Variants in MBNL2 observed in about 807,000 individuals in gnomAD.
MBNL2 encodes the protein muscleblind-like protein 2.
MBNL2 carries 17 observed loss-of-function variants against 41.9 expected under a neutral mutation model. The observed-to-expected ratio is 0.41, with a 90% CI of 0.28 to 0.61. MBNL2 has a LOEUF of 0.61. MBNL2 is among the 20% of genes least tolerant of loss of function. MBNL2 has a pLI of 0.35. For missense variants in MBNL2, 336 were observed against 505.6 expected (o/e 0.66, Z 3.22); for synonymous variants, 195 against 182.9 (o/e 1.07, Z -0.53).
chr13:97,205,043 G>A, the MBNL2 span, among the ~76,000 whole-genome samples: 12 of 151,636 alleles, frequency 7.9e-5, no homozygotes, highest in African/African-American at 1.7e-4. Context: ...ATGGTGGCAC[G>A]CACCTGTAGT....
intron 1 of MBNL2, among the ~76,000 whole-genome samples, chr13:97,274,529 T>C (rs1262480232): frequency 6.6e-6 from 1 of 151,684 alleles, no homozygotes; most frequent in African/African-American, 2.4e-5. Flanking sequence ...AAAAAAAAAA[T>C]TATTGCTCTC....
At position 97,268,453 on chromosome 13, in the gene MBNL2, G is replaced by C. The variant is rs1361622899; in HGVS notation, c.-604-7179G>C. On this transcript the variant is annotated intron_variant, in intron 1 of 8. Coordinates refer to ENST00000679496, the MANE Select transcript of MBNL2 (RefSeq NM_001382683.1). The surrounding 1 kb of genome is among the most constrained non-coding windows in gnomAD (Gnocchi z 4.6). ...AGCGGATGCTGCTGCTGCTGGCCCA[G>C]GCACAACACTTTAAAAACCGCTGGA... Among the ~76,000 whole-genome samples the C allele has an allele frequency of 6.6e-6, 1 of 152,082 alleles. No individual in the cohort carries two copies. The highest frequency in any genetic ancestry group is 1.5e-5 in the Non-Finnish European group (1 of 68,030).
chr13:97,170,103 A>G, the MBNL2 span, among the ~76,000 whole-genome samples: 4 of 152,364 alleles, frequency 2.6e-5, no homozygotes, highest in Admixed American at 2.6e-4. Flanking sequence ...TCATAGGGTT[A>G]CATTGACCCC....
chr13:97,201,563 AT>A, the MBNL2 span, among the ~76,000 whole-genome samples: 1 of 152,052 alleles, frequency 6.6e-6, no homozygotes, highest in Non-Finnish European at 1.5e-5. Flanking sequence ...CAATGATTCT[AT>A]TTTTTTCAAA....
chr13:97,261,894 C>A (rs956701384), intron 1 of MBNL2, among the ~76,000 whole-genome samples: 2 of 152,206 alleles, frequency 1.3e-5, no homozygotes, highest in African/African-American at 4.8e-5. Flanking sequence ...TCCATGACAG[C>A]CAGCCACCCT....
At chr13:97,183,974 A>G in the MBNL2 span, among the ~76,000 whole-genome samples, 1 of 152,212 alleles carries the variant, frequency 6.6e-6, no homozygotes, top group Non-Finnish European at 1.5e-5. Flanking sequence ...CATTCTGATG[A>G]GAGAATGAAA....
At chr13:97,155,403 TTTA>T in the MBNL2 span, among the ~76,000 whole-genome samples, 1 of 151,548 alleles carries the variant, frequency 6.6e-6, no homozygotes, top group Non-Finnish European at 1.5e-5. Flanking sequence ...TATTTTTTTT[TTTA>T]TTATTATACT....
intron 2 of MBNL2, among the ~76,000 whole-genome samples, chr13:97,303,017 G>T (rs2057779006): frequency 6.6e-6 from 1 of 152,138 alleles, no homozygotes; most frequent in South Asian, 2.1e-4. Context: ...GGCAGAGCAG[G>T]GATTCGAACT....
chr13:97,218,924 C>T (rs901418178), upstream of MBNL2, among the ~76,000 whole-genome samples: 2 of 151,442 alleles, frequency 1.3e-5, no homozygotes, highest in African/African-American at 4.9e-5. Flanking sequence ...ATTGTGACTT[C>T]TGAGGCCAAC....
chr13:97,380,259 T>C (rs1275878500), intron 8 of MBNL2, among the ~76,000 whole-genome samples: 1 of 152,068 alleles, frequency 6.6e-6, no homozygotes, highest in East Asian at 1.9e-4. Flanking sequence ...TTTGGGAGGC[T>C]GAGGTGGGCG....
intron 8 of MBNL2, among the ~76,000 whole-genome samples, chr13:97,384,591 G>A (rs901737585): frequency 6.6e-6 from 1 of 152,170 alleles, no homozygotes; most frequent in African/African-American, 2.4e-5. Flanking sequence ...CAGAGAGTGG[G>A]AAGAAGGAAC....
the MBNL2 span, among the ~76,000 whole-genome samples, chr13:97,158,540 T>C: frequency 6.6e-6 from 1 of 151,648 alleles, no homozygotes; most frequent in African/African-American, 2.4e-5. Context: ...TTTAGTGCTA[T>C]AAATTTCCCT....
At chr13:97,213,299 G>A in the MBNL2 span, among the ~76,000 whole-genome samples, 2 of 152,046 alleles carry the variant, frequency 1.3e-5, no homozygotes, top group African/African-American at 4.8e-5. Context: ...AGATGGACAC[G>A]GTCTAATGAA....
At chr13:97,274,412 G>A (rs1484004247) in intron 1 of MBNL2, among the ~76,000 whole-genome samples, 3 of 151,542 alleles carry the variant, frequency 2.0e-5, no homozygotes, top group Non-Finnish European at 2.9e-5. Context: ...CACAAGAACT[G>A]CTTGAACCCA....
rs76652311 is a variant in MBNL2, at chr13:97,310,268, G to A, written c.175-24008G>A. Among the ~76,000 whole-genome samples the A allele has an allele frequency of 2.1e-3, 314 of 152,078 alleles. 1 individual carries two copies. Among genetic ancestry groups the A allele is most frequent in the African/African-American group, 7.4e-3 (307 of 41,474 alleles). On this transcript the variant is annotated intron_variant, in intron 2 of 8. Transcript: ENST00000679496. ...TCAGGGTCTGTACCATAAAAAGAGGGGATTGTCCTGGATCATCTTAGAGAT... is the reference window on the plus strand; with the variant it reads ...TCAGGGTCTGTACCATAAAAAGAGGAGATTGTCCTGGATCATCTTAGAGAT...
upstream of MBNL2, among the ~76,000 whole-genome samples, chr13:97,216,957 A>C (rs2152751283): frequency 6.7e-6 from 1 of 149,044 alleles, no homozygotes; most frequent in South Asian, 2.1e-4. Flanking sequence ...TATTATATAC[A>C]TAATATAAAA....
At position 97,268,988 on chromosome 13, in the gene MBNL2, G is replaced by A. The variant is rs59293967; in HGVS notation, c.-604-6644G>A. Among the ~76,000 whole-genome samples, 1,480 of 152,262 alleles carry A rather than the reference G, an allele frequency of 9.7e-3. 34 individuals carry two copies. Among genetic ancestry groups the A allele is most frequent in the African/African-American group, 0.034 (1,404 of 41,556 alleles). ...TGCAGGCCCGTGAGGAGGGCCTGCC[G>A]GAGGGTGGCTCAGCTGAACCTTCCT... On this transcript the variant is annotated intron_variant, in intron 1 of 8. Coordinates refer to ENST00000679496, the MANE Select transcript of MBNL2 (RefSeq NM_001382683.1). The surrounding 1 kb of genome is among the most constrained non-coding windows in gnomAD (Gnocchi z 4.6).
At chr13:97,377,183 G>A (rs946358162) in intron 8 of MBNL2, among the ~76,000 whole-genome samples, 2 of 152,188 alleles carry the variant, frequency 1.3e-5, no homozygotes, top group African/African-American at 4.8e-5. Context: ...CTCTAGCGAT[G>A]AGGAAACTCC....
chr13:97,155,233 AGTT>A, the MBNL2 span, among the ~76,000 whole-genome samples: 2 of 151,904 alleles, frequency 1.3e-5, no homozygotes, highest in Non-Finnish European at 2.9e-5. Context: ...TCTCATTCTA[AGTT>A]GTTCTCTTTA....
Sources: allele counts gnomAD v4.1 joint callset (sites outside exome capture counted in the v4.1 genomes callset), GRCh38; gene constraint gnomAD v4.1.1; non-coding constraint Gnocchi (gnomAD v3.1); transcripts MANE v1.5; gene names NCBI Gene and HGNC (gene_info 2026-07-23, HGNC 2026-07-21).